COL6A5: variants seen among roughly 807,000 people sequenced by gnomAD.
COL6A5 encodes collagen alpha-5(VI) chain.
COL6A5 carries 48 observed loss-of-function variants against 65.6 expected under a neutral mutation model. The ratio of observed to expected loss-of-function variants is 0.73; its 90% confidence interval spans 0.58 to 0.93. The LOEUF is 0.93. Among genes scored for constraint, COL6A5 ranks in the 40% least tolerant of loss-of-function variants. COL6A5 has a pLI of 0.00. For missense variants in COL6A5, 914 were observed against 928.3 expected, an observed-to-expected ratio of 0.98 and a Z score of 0.20; for synonymous variants, 291 against 322.8, an observed-to-expected ratio of 0.90 and a Z score of 1.05.
At chr3:130,475,007 C>CAAAAAAAAAAAAAAAA (rs57263258) in intron 7 of COL6A5, among the ~76,000 whole-genome samples, 1 of 65,052 alleles carries the variant, frequency 1.5e-5, no homozygotes. Context: ...ACCATGTCTC[C>CAAAAAAAAAAAAAAAA]AAAAAAAAAA....
chr3:130,429,027 C>T (rs1298727054), upstream of COL6A5, among the ~76,000 whole-genome samples: 5 of 152,168 alleles, frequency 3.3e-5, no homozygotes, highest in East Asian at 1.9e-4. Context: ...TCAGGAGAAA[C>T]GCTTGGGGTT....
At chr3:130,379,835 G>T (rs532783006) in exon 4 of COL6A5, 4 of 1,551,180 alleles carry the variant, frequency 2.6e-6, no homozygotes, top group Non-Finnish European at 3.5e-6. Context: ...CTGAACCTTC[G>T]ACTGGAGGAT....
At chr3:130,382,127 A>G (rs1044777663) in intron 4 of COL6A5, among the ~76,000 whole-genome samples, 3 of 152,076 alleles carry the variant, frequency 2.0e-5, no homozygotes, top group African/African-American at 7.2e-5. Context: ...ACAATAAGAA[A>G]AGTCCTATGG....
intron 7 of COL6A5, chr3:130,477,097 C>T: frequency 4.6e-6 from 7 of 1,512,644 alleles, no homozygotes; most frequent in Non-Finnish European, 6.2e-6. Flanking sequence ...GTAATTAATC[C>T]AATACTTTCG....
At position 130,426,048 on chromosome 3, in the gene COL6A5, G is replaced by C. The variant is rs562249096; in HGVS notation, c.5164-166G>C. Among the ~76,000 whole-genome samples the C allele has an allele frequency of 3.9e-5, 6 of 152,250 alleles. No homozygotes were observed. In the South Asian group the frequency reaches 1.2e-3, roughly 32 times the overall value. ...AAAATCTACACCCTTGATGTGAGTA[G>C]GGAAAATATATGGCAATTAATCCAC... On this transcript the variant is annotated intron_variant and NMD_transcript_variant, in intron 29 of 41. Transcript: ENST00000312481.
intron 7 of COL6A5, among the ~76,000 whole-genome samples, chr3:130,473,823 G>C (rs1445523044): frequency 6.6e-6 from 1 of 152,096 alleles, no homozygotes; most frequent in East Asian, 1.9e-4. Flanking sequence ...TAAATATGAA[G>C]GGTGGTGGAA....
chr3:130,448,009 C>T (rs935111581), intron 4 of COL6A5, among the ~76,000 whole-genome samples: 6 of 152,072 alleles, frequency 3.9e-5, no homozygotes, highest in Non-Finnish European at 7.4e-5. Flanking sequence ...TGCCACAGTA[C>T]GGAATGTTGA....
At chr3:130,443,612 G>A in intron 4 of COL6A5, 46 bp downstream of exon 36, 3 of 1,242,388 alleles carry the variant, frequency 2.4e-6, no homozygotes, top group African/African-American at 1.5e-5. Context: ...CTAATTGGCT[G>A]ATGGGAGTAT....
At chr3:130,445,396 C>T (rs1048031324) in intron 4 of COL6A5, among the ~76,000 whole-genome samples, 31 of 152,158 alleles carry the variant, frequency 2.0e-4, no homozygotes, top group African/African-American at 6.5e-4. Flanking sequence ...ACAATTAATG[C>T]GTTGGACAGT....
Position 130,415,505 on chromosome 3 carries a change from T to C in COL6A5, c.4762-140T>C, listed in dbSNP as rs1937312085. 4.9e-5 allele frequency: 34 copies of C among 695,524 alleles called. No individual in the cohort carries two copies. The South Asian group carries it at 7.8e-4, about 16-fold the overall frequency. The allele number at this position is 695,524 out of a possible 1,614,324, so 43.1% of individuals were successfully genotyped here. A position where few individuals can be genotyped will look rare whatever the true frequency, so the allele number is the denominator to read the frequency against. On this transcript the variant is annotated intron_variant and NMD_transcript_variant, in intron 22 of 41. Transcript: ENST00000312481. ...CACTGGGCCTGTCCTCAATGACTCT[T>C]AATACATGCTTAATCTCAGGGTTAA... is the stretch of plus-strand genomic sequence containing the variant.
At chr3:130,469,437 A>G (rs1559919562) in exon 6 of COL6A5, 3 of 1,612,762 alleles carry the variant, frequency 1.9e-6, no homozygotes, top group Non-Finnish European at 2.5e-6. Flanking sequence ...CCAGATTGGA[A>G]CTATATCATC....
chr3:130,359,427 T>A (rs1935033766), intron 1 of COL6A5, among the ~76,000 whole-genome samples: 1 of 152,044 alleles, frequency 6.6e-6, no homozygotes, highest in African/African-American at 2.4e-5. Flanking sequence ...GAAAAATGAA[T>A]ATTTAGGTCA....
At position 130,424,040 on chromosome 3, in the gene COL6A5, T is replaced by G. The variant is rs1937560990; in HGVS notation, c.5163+140T>G. On this transcript the variant is annotated intron_variant and NMD_transcript_variant, in intron 29 of 41. Transcript: ENST00000312481. Reference sequence around the variant, plus strand: ...CTAGCTATATGACCCAGTCACTGGGTCTTTGAGTTTATTTCTAAAATGAGT... The same window carrying G: ...CTAGCTATATGACCCAGTCACTGGGGCTTTGAGTTTATTTCTAAAATGAGT... 4 of 553,080 alleles carry G rather than the reference T, an allele frequency of 7.2e-6. No individual in the cohort carries two copies. In the East Asian group the frequency reaches 1.2e-4, roughly 16 times the overall value. 34.3% of individuals were successfully genotyped at this position (553,080 alleles called of 1,614,324 possible).
exon 3 of COL6A5, chr3:130,376,363 A>G: frequency 1.2e-6 from 2 of 1,613,786 alleles, no homozygotes; most frequent in Middle Eastern, 1.7e-4. Flanking sequence ...ATAGAGGCCA[A>G]CAAATACCGT....
At chr3:130,474,206 CTG>C (rs1710031684) in intron 7 of COL6A5, among the ~76,000 whole-genome samples, 1 of 152,048 alleles carries the variant, frequency 6.6e-6, no homozygotes, top group Non-Finnish European at 1.5e-5. Flanking sequence ...CTTCCCTAAA[CTG>C]TACATGTATG....
At chr3:130,442,293 T>A (rs1445574365) in intron 3 of COL6A5, among the ~76,000 whole-genome samples, 1 of 152,170 alleles carries the variant, frequency 6.6e-6, no homozygotes, top group African/African-American at 2.4e-5. Context: ...ATAGGCAGGT[T>A]AAGGCACTCC....
chr3:130,369,701 T>A (rs1402072499), intron 1 of COL6A5, among the ~76,000 whole-genome samples: 1 of 152,158 alleles, frequency 6.6e-6, no homozygotes, highest in African/African-American at 2.4e-5. Context: ...ATTAGTCTAT[T>A]ATTATTCTCT....
upstream of COL6A5, chr3:130,429,676 A>C: frequency 2.8e-6 from 3 of 1,055,496 alleles, no homozygotes; most frequent in Non-Finnish European, 4.1e-6. Context: ...CTCCGTGGGA[A>C]ACAGGACTTC....
chr3:130,351,800 TTACTGGGTATA>T (rs929858135), intron 1 of COL6A5, among the ~76,000 whole-genome samples: 154 of 152,312 alleles, frequency 1.0e-3, no homozygotes, highest in African/African-American at 3.6e-3. Flanking sequence ...AGTGGTCTCT[TTACTGGGTATA>T]TACCCAAAGG....
Sources: gnomAD v4.1 joint callset for allele counts (sites outside exome capture counted in the v4.1 genomes callset) on GRCh38, gnomAD v4.1.1 for gene constraint, MANE v1.5 for transcripts, NCBI Gene and HGNC (gene_info 2026-07-23, HGNC 2026-07-21) for gene names.